The following PHACTR4 variants were observed in gnomAD, a reference collection of about 807,000 sequenced individuals.
PHACTR4 encodes phosphatase and actin regulator 4.
A neutral mutation model predicts 72.7 loss-of-function variants in PHACTR4; 51 were observed. The observed-to-expected ratio is 0.70, with a 90% CI of 0.56 to 0.89. The LOEUF (loss-of-function observed/expected upper bound fraction) is 0.89. Ranked by LOEUF, PHACTR4 falls within the 40% of genes least tolerant of loss-of-function variation. PHACTR4 has a pLI of 0.00. For synonymous variants in PHACTR4, 255 were observed against 302.5 expected, an observed-to-expected ratio of 0.84 and a Z score of 1.63; for missense variants, 731 against 861.8, an observed-to-expected ratio of 0.85 and a Z score of 1.90.
At chr1:28,463,322 C>G (rs1012016576) in intron 4 of PHACTR4, among the ~76,000 whole-genome samples, 2 of 151,786 alleles carry the variant, frequency 1.3e-5, no homozygotes, top group African/African-American at 4.9e-5. Context: ...TGTTAAAGCC[C>G]CATAGTACTA....
chr1:28,393,873 T>C (rs901838785), intron 1 of PHACTR4, among the ~76,000 whole-genome samples: 25 of 147,586 alleles, frequency 1.7e-4, no homozygotes, highest in African/African-American at 6.2e-4. Context: ...ACTGGCTAAC[T>C]TTTTTTTTTT....
At chr1:28,404,859 T>C (rs1055960844) in intron 1 of PHACTR4, among the ~76,000 whole-genome samples, 1 of 152,174 alleles carries the variant, frequency 6.6e-6, no homozygotes, top group African/African-American at 2.4e-5. Context: ...ACAGATAATT[T>C]AGTCACCCCG....
In PHACTR4 at chr1:28,496,765, T is replaced by G. The variant is rs1391228860; in HGVS notation, c.*216T>G. The stretch of plus-strand genomic sequence containing the variant: ...AACACTTTGTCAGTGCTTTTGAACC[T>G]TTCAATATTGTAGCATGCTTGAGGA... On this transcript the variant is annotated 3_prime_UTR_variant, in exon 14 of 14. Transcript: ENST00000373839. 2 of 607,126 alleles carry G rather than the reference T, an allele frequency of 3.3e-6. No homozygotes were observed. The highest frequency in any genetic ancestry group is 3.7e-5 in the African/African-American group (2 of 53,950). The allele number at this position is 607,126 out of a possible 1,614,324, so 37.6% of individuals were successfully genotyped here.
chr1:28,395,596 A>G (rs2124216561), intron 1 of PHACTR4, among the ~76,000 whole-genome samples: 1 of 150,506 alleles, frequency 6.6e-6, no homozygotes, highest in East Asian at 1.9e-4. Context: ...TATGTTACAT[A>G]TTGAATATTT....
At chr1:28,407,223 T>G (rs1654400168) in intron 1 of PHACTR4, among the ~76,000 whole-genome samples, 187 bp from the exon 2 acceptor site, 1 of 147,264 alleles carries the variant, frequency 6.8e-6, no homozygotes, top group African/African-American at 2.5e-5. Context: ...AAATCTAGTC[T>G]GGGCAACATA....
chr1:28,482,484 T>C (rs957891634), intron 9 of PHACTR4, among the ~76,000 whole-genome samples: 1 of 152,194 alleles, frequency 6.6e-6, no homozygotes, highest in African/African-American at 2.4e-5. Flanking sequence ...TATGTAACAG[T>C]GTAAGAATCC....
At chr1:28,449,864 A>G (rs1397438517) in intron 2 of PHACTR4, among the ~76,000 whole-genome samples, 3 of 150,936 alleles carry the variant, frequency 2.0e-5, no homozygotes, top group Admixed American at 2.0e-4. Flanking sequence ...AAAAAAAAAA[A>G]TCACCCCTGA....
intron 2 of PHACTR4, among the ~76,000 whole-genome samples, chr1:28,444,481 G>A (rs1305250972): frequency 6.6e-6 from 1 of 151,548 alleles, no homozygotes; most frequent in Admixed American, 6.6e-5. Flanking sequence ...GCCCACTTCA[G>A]CCTCCCAAAG....
intron 1 of PHACTR4, among the ~76,000 whole-genome samples, chr1:28,386,920 C>T (rs1012561413): frequency 1.3e-5 from 2 of 152,014 alleles, no homozygotes; most frequent in African/African-American, 4.8e-5. Flanking sequence ...AATGGTTGTT[C>T]TTTGGGAAAG....
At chr1:28,485,078 G>A (rs1365894508) in intron 9 of PHACTR4, among the ~76,000 whole-genome samples, 1 of 152,156 alleles carries the variant, frequency 6.6e-6, no homozygotes, top group Non-Finnish European at 1.5e-5. Context: ...ACATTAATAT[G>A]AGTAAGCCAG....
At chr1:28,395,456 C>T (rs1276409640) in intron 1 of PHACTR4, among the ~76,000 whole-genome samples, 1 of 151,950 alleles carries the variant, frequency 6.6e-6, no homozygotes, top group Non-Finnish European at 1.5e-5. Flanking sequence ...ATCAATAAGC[C>T]ACACCTCTGT....
Position 28,490,980 on chromosome 1 carries a change from A to T in PHACTR4, c.1846A>T (p.Lys616Ter). 2 of 1,614,178 alleles carry T rather than the reference A, an allele frequency of 1.2e-6. No homozygotes were observed. The highest frequency in any genetic ancestry group is 1.7e-6 in the Non-Finnish European group (2 of 1,179,986). ...PKNEADRQAE[K>*]REIKRRLTRK... Reference sequence around the variant, plus strand: ...AAATGAAGCTGATCGTCAGGCAGAAAAACGAGAAATTAAACGTCGGCTCAC... The same window carrying T: ...AAATGAAGCTGATCGTCAGGCAGAATAACGAGAAATTAAACGTCGGCTCAC... Residue 616 changes from lysine to a stop codon, truncating the protein, a stop_gained, in exon 11 of 14, where the codon AAA becomes TAA. Coordinates refer to ENST00000373839, the MANE Select transcript of PHACTR4 (RefSeq NM_001048183.3). LOFTEE classifies it high-confidence loss of function.
At chr1:28,469,071 A>G (rs74064856) in intron 6 of PHACTR4, among the ~76,000 whole-genome samples, 14,404 of 152,234 alleles carry the variant, frequency 0.095, 1,522 homozygotes, top group African/African-American at 0.26. Context: ...TTCACAGAGC[A>G]TTTCTTAGAG....
chr1:28,373,731 G>A (rs1651429436), intron 1 of PHACTR4, among the ~76,000 whole-genome samples: 1 of 152,100 alleles, frequency 6.6e-6, no homozygotes, highest in African/African-American at 2.4e-5. Flanking sequence ...CGGCCTCCCA[G>A]TACCATTTTT....
intron 13 of PHACTR4, among the ~76,000 whole-genome samples, chr1:28,495,422 AAAG>A (rs1268393265): frequency 1.3e-5 from 2 of 151,878 alleles, no homozygotes; most frequent in South Asian, 2.1e-4. Context: ...TTTTATTCTA[AAAG>A]AAGAAGGCAG....
At chr1:28,481,179 C>T (rs1294745019) in intron 9 of PHACTR4, among the ~76,000 whole-genome samples, 1 of 152,040 alleles carries the variant, frequency 6.6e-6, no homozygotes, top group Non-Finnish European at 1.5e-5. Flanking sequence ...CAGGCATGCG[C>T]CACCATGCAC....
At chr1:28,459,811 T>G (rs1431020272) in intron 3 of PHACTR4, among the ~76,000 whole-genome samples, 1 of 152,180 alleles carries the variant, frequency 6.6e-6, no homozygotes, top group Admixed American at 6.6e-5. Flanking sequence ...ATCTATTGAG[T>G]GGTGAATGGA....
At chr1:28,452,367 G>A (rs1283286501) in intron 2 of PHACTR4, among the ~76,000 whole-genome samples, 1 of 152,184 alleles carries the variant, frequency 6.6e-6, no homozygotes, top group Non-Finnish European at 1.5e-5. Flanking sequence ...TTAGCCAGGT[G>A]TGGTGGCACA....
At chr1:28,379,150 T>C (rs918027421) in intron 1 of PHACTR4, among the ~76,000 whole-genome samples, 3 of 152,184 alleles carry the variant, frequency 2.0e-5, no homozygotes, top group African/African-American at 7.2e-5. Flanking sequence ...CGATGGGATT[T>C]CGCCACATTG....
Sources: allele counts gnomAD v4.1 joint callset (sites outside exome capture counted in the v4.1 genomes callset), GRCh38; gene constraint gnomAD v4.1.1; transcripts MANE v1.5; gene names NCBI Gene and HGNC (gene_info 2026-07-23, HGNC 2026-07-21).